The following TNNT1 variants were observed in gnomAD, a reference collection of about 807,000 sequenced individuals.
TNNT1 encodes the protein troponin T, slow skeletal muscle.
In TNNT1, 53 loss-of-function variants were observed where a neutral mutation model predicts 50.6. The observed-to-expected ratio is 1.05, with a 90% CI of 0.84 to 1.32. TNNT1 has a LOEUF of 1.32. Among genes scored for constraint, TNNT1 ranks in the 40% most tolerant of loss-of-function variants. The probability of loss-of-function intolerance (pLI) is 0.00; values close to 1 mark genes in which losing one functional copy is unlikely to be tolerated. For synonymous variants in TNNT1, 142 were observed against 138.0 expected, an observed-to-expected ratio of 1.03 and a Z score of -0.20; for missense variants, 348 against 381.7, an observed-to-expected ratio of 0.91 and a Z score of 0.74.
At position 55,139,537 on chromosome 19, in the gene TNNT1, T is replaced by C. The variant is rs1016841861; in HGVS notation, c.387+1346A>G. 2.8e-4 allele frequency among the ~76,000 whole-genome samples: 43 copies of C among 152,280 alleles called. 1 individual carries two copies. The highest frequency in any genetic ancestry group is 2.7e-3 in the Admixed American group (41 of 15,290). ...CTTCTTTCATCTTCAGAGGCAGCCA[T>C]GCAGCATCTTCAAATCTCTCAGTCT... On this transcript the variant is annotated intron_variant, in intron 9 of 13. Coordinates refer to ENST00000588981, the MANE Select transcript of TNNT1 (RefSeq NM_003283.6).
At chr19:55,146,890 G>C in intron 3 of TNNT1, 118 bp downstream of exon 3, 1 of 1,365,034 alleles carries the variant, frequency 7.3e-7, no homozygotes, top group South Asian at 1.5e-5. Flanking sequence ...GAGAGGGCGG[G>C]CGAGGGCCCG....
chr19:55,146,850 G>C (rs984920031), intron 3 of TNNT1, 143 bp from the exon 4 acceptor site: 2 of 1,213,068 alleles, frequency 1.6e-6, no homozygotes, highest in African/African-American at 1.5e-5. Context: ...TGGCGGTGCA[G>C]GGATGGCGCG....
At chr19:55,137,926 G>C (rs1018524554) in intron 10 of TNNT1, 35 bp downstream of exon 10, 1 of 1,613,854 alleles carries the variant, frequency 6.2e-7, no homozygotes, top group Non-Finnish European at 8.5e-7. Flanking sequence ...TGCCCCCTCA[G>C]AACTCAGACC....
At position 55,137,990 on chromosome 19, in the gene TNNT1, C is replaced by T. The variant is rs1254081949; in HGVS notation, c.472G>A (p.Gly158Arg). The change falls in exon 10 of 14, where the codon GGG (glycine) becomes AGG (arginine). Residue 158 changes from glycine to arginine, a missense_variant. Physicochemically the swap from Gly to Arg is moderately radical, Grantham distance 125. This residue lies in a region of TNNT1 where 253 missense variants were observed against 291.8 expected (regional missense o/e 0.87). Coordinates refer to ENST00000588981, the MANE Select transcript of TNNT1 (RefSeq NM_003283.6). ...ACCAGGTAGCCGCCAAAATGGGCCC[C>T]CATGTTGGACAGCACCTTCTTTTTC... ...AKKKKVLSNM[G>R]AHFGGYLVKA... The T allele has an allele frequency of 3.7e-6, 6 of 1,614,232 alleles. No individual in the cohort carries two copies. Among genetic ancestry groups the T allele is most frequent in the Non-Finnish European group, 5.1e-6 (6 of 1,180,042 alleles).
chr19:55,139,455 G>A (rs997449351), intron 9 of TNNT1, among the ~76,000 whole-genome samples: 2 of 152,154 alleles, frequency 1.3e-5, no homozygotes, highest in African/African-American at 2.4e-5. Flanking sequence ...AGGTTCTAGG[G>A]GAGAATTCAT....
At chr19:55,141,763 AG>A in intron 7 of TNNT1, 93 bp downstream of exon 7, 1 of 1,449,118 alleles carries the variant, frequency 6.9e-7, no homozygotes, top group Non-Finnish European at 9.7e-7. Flanking sequence ...TACAGGCATG[AG>A]GCCCCGCGCC....
chr19:55,146,800 G>A (rs1331114724), intron 3 of TNNT1, 93 bp from the exon 4 acceptor site: 2 of 1,174,684 alleles, frequency 1.7e-6, no homozygotes, highest in Non-Finnish European at 2.4e-6. Flanking sequence ...CTGCTGGACG[G>A]GGGTCCCTCT....
chr19:55,149,161 C>T lies in TNNT1; in HGVS notation c.-12G>A, dbSNP rs1283774154. ...CACAGGGCTCCGCAGAGCCCCTTAC[C>T]TAGGCTGTGTCTGAGATGCTGTGAA... On this transcript the variant is annotated splice_region_variant and 5_prime_UTR_variant, in exon 1 of 14. Transcript: ENST00000588981. 1 of 456,324 alleles carries T rather than the reference C, an allele frequency of 2.2e-6. No individual in the cohort carries two copies. Among genetic ancestry groups the T allele is most frequent in the South Asian group, 1.5e-5 (1 of 64,564 alleles). 28.3% of individuals were successfully genotyped at this position (456,324 alleles called of 1,614,324 possible).
At chr19:55,134,385 G>A (rs1290804212) in intron 11 of TNNT1, among the ~76,000 whole-genome samples, 181 bp from the exon 12 acceptor site, 1 of 152,004 alleles carries the variant, frequency 6.6e-6, no homozygotes, top group African/African-American at 2.4e-5. Context: ...ATTTCCCAAG[G>A]GGAGAGAAGG....
In TNNT1 at chr19:55,142,030, G is replaced by C. The variant is rs560492327; in HGVS notation, c.129-110C>G. ...TAGCCGCCAGCCCCGGGAGGCTCCT[G>C]AACGTGGAGGGTCCCAGCTGAGGCG... is the stretch of plus-strand genomic sequence containing the variant. On this transcript the variant is annotated intron_variant, in intron 6 of 13. Transcript: ENST00000588981. 7.6e-6 allele frequency: 8 copies of C among 1,047,446 alleles called. No homozygotes were observed. The East Asian group carries it at 1.7e-4, about 22-fold the overall frequency. 64.9% of individuals were successfully genotyped at this position (1,047,446 alleles called of 1,614,324 possible).
At chr19:55,147,069 G>A (rs540649237) in intron 2 of TNNT1, 48 bp from the exon 3 acceptor site, 1 of 1,613,262 alleles carries the variant, frequency 6.2e-7, no homozygotes, top group African/African-American at 1.3e-5. Flanking sequence ...GTTAGACCTG[G>A]GGTGGGAGAG....
chr19:55,148,761 C>T (rs1017623099), intron 1 of TNNT1, among the ~76,000 whole-genome samples: 1 of 151,934 alleles, frequency 6.6e-6, no homozygotes, highest in Non-Finnish European at 1.5e-5. Flanking sequence ...ACTACCAAAA[C>T]CCCAATTTCT....
chr19:55,138,136 G>C, intron 9 of TNNT1, 62 bp from the exon 10 acceptor site: 3 of 1,612,572 alleles, frequency 1.9e-6, no homozygotes, highest in Non-Finnish European at 2.5e-6. Context: ...GGAGGGCCCT[G>C]GGATGTGGAA....
intron 9 of TNNT1, 72 bp from the exon 10 acceptor site, chr19:55,138,146 A>ACTGG: frequency 6.2e-7 from 1 of 1,611,044 alleles, no homozygotes; most frequent in Non-Finnish European, 8.5e-7. Context: ...GGGATGTGGA[A>ACTGG]CTGGGGCACA....
intron 5 of TNNT1, among the ~76,000 whole-genome samples, 165 bp downstream of exon 5, chr19:55,146,269 C>T (rs567050971): frequency 1.9e-4 from 29 of 152,030 alleles, no homozygotes; most frequent in African/African-American, 7.0e-4. Context: ...CCTTCCCGGC[C>T]CCGAGAGGGC....
intron 2 of TNNT1, 28 bp downstream of exon 2, chr19:55,147,098 C>A: frequency 6.2e-7 from 1 of 1,613,650 alleles, no homozygotes; most frequent in Non-Finnish European, 8.5e-7. Context: ...CCACTGCACG[C>A]CCCAACCCCT....
chr19:55,141,647 C>G (rs1023791867), intron 7 of TNNT1, among the ~76,000 whole-genome samples: 5 of 152,006 alleles, frequency 3.3e-5, no homozygotes, highest in African/African-American at 1.2e-4. Flanking sequence ...CCACGCCCGG[C>G]TAATTTTTGT....
chr19:55,137,944 C>T lies in TNNT1; in HGVS notation c.501+17G>A. On this transcript the variant is annotated intron_variant, in intron 10 of 13. Coordinates refer to ENST00000588981, the MANE Select transcript of TNNT1 (RefSeq NM_003283.6). ...CCCCTCAGAACTCAGACCTCAGGCT[C>T]CTGCAGGCTGACTCACCTTGACCAG... 6.2e-7 allele frequency: 1 copy of T among 1,614,186 alleles called. No homozygotes were observed. Among genetic ancestry groups the T allele is most frequent in the Non-Finnish European group, 8.5e-7 (1 of 1,180,020 alleles).
Position 55,137,996 on chromosome 19 carries a change from T to G in TNNT1, c.466A>C (p.Asn156His). The change falls in exon 10 of 14, where the codon AAC becomes CAC. Residue 156 changes from asparagine to histidine, a missense_variant. Transcript: ENST00000588981. ...DDAKKKKVLS[N>H]MGAHFGGYLV... The stretch of plus-strand genomic sequence containing the variant: ...TAGCCGCCAAAATGGGCCCCCATGT[T>G]GGACAGCACCTTCTTTTTCTTGGCA... 1 of 1,614,226 alleles carries G rather than the reference T, an allele frequency of 6.2e-7. No individual in the cohort carries two copies. The highest frequency in any genetic ancestry group is 1.1e-5 in the South Asian group (1 of 91,090).
Sources: gnomAD v4.1 joint callset for allele counts (sites outside exome capture counted in the v4.1 genomes callset) on GRCh38, gnomAD v4.1.1 for gene constraint, gnomAD v4.1.1 regional missense constraint, MANE v1.5 for transcripts, NCBI Gene and HGNC (gene_info 2026-07-23, HGNC 2026-07-21) for gene names.